Variants in GPC5 observed in about 807,000 individuals in gnomAD.
GPC5 encodes the protein glypican 5, also known as glypican-5.
In GPC5, 47 loss-of-function variants were observed where a neutral mutation model predicts 53.9. That is an observed-to-expected ratio of 0.87 (90% confidence interval 0.69 to 1.11). The LOEUF (loss-of-function observed/expected upper bound fraction) is 1.11, where lower values mean the gene tolerates loss of function less well. Ranked by LOEUF, GPC5 falls within the 50% of genes most tolerant of loss-of-function variation. The probability of loss-of-function intolerance (pLI) is 0.00; values close to 1 mark genes in which losing one functional copy is unlikely to be tolerated. For synonymous variants in GPC5, 286 were observed against 263.3 expected (o/e 1.09, Z -0.84); for missense variants, 748 against 713.1 (o/e 1.05, Z -0.56).
intron 7 of GPC5, among the ~76,000 whole-genome samples, chr13:92,481,361 A>G (rs778021135): frequency 3.3e-5 from 5 of 152,156 alleles, no homozygotes; most frequent in Non-Finnish European, 5.9e-5. Context: ...TTGGCCTCCC[A>G]AAGTGCTGGG....
intron 2 of GPC5, among the ~76,000 whole-genome samples, chr13:91,568,162 C>T (rs1457806446): frequency 6.6e-6 from 1 of 152,096 alleles, no homozygotes; most frequent in Non-Finnish European, 1.5e-5. Context: ...TATAAATTAC[C>T]CAGCCTCAGA....
intron 6 of GPC5, among the ~76,000 whole-genome samples, chr13:92,089,996 G>A (rs764202610): frequency 1.4e-4 from 21 of 152,104 alleles, no homozygotes; most frequent in African/African-American, 2.7e-4. Context: ...CATTGAGTTC[G>A]TATCATGTCC....
intron 7 of GPC5, among the ~76,000 whole-genome samples, chr13:92,752,170 G>C (rs1889421040): frequency 6.6e-6 from 1 of 151,906 alleles, no homozygotes; most frequent in Non-Finnish European, 1.5e-5. Flanking sequence ...GTGTGTGTTA[G>C]CATTTGCGTC....
chr13:91,916,609 G>A (rs995829323), intron 6 of GPC5, among the ~76,000 whole-genome samples: 1 of 152,158 alleles, frequency 6.6e-6, no homozygotes, highest in Admixed American at 6.5e-5. Context: ...TATTAGGTTT[G>A]TTCTCAGGCT....
At chr13:91,959,231 G>A (rs2139072398) in intron 6 of GPC5, among the ~76,000 whole-genome samples, 1 of 151,896 alleles carries the variant, frequency 6.6e-6, no homozygotes, top group African/African-American at 2.4e-5. Context: ...CACTTCAGCT[G>A]ATACCACAGA....
chr13:91,882,274 C>A (rs2138951630), intron 5 of GPC5, among the ~76,000 whole-genome samples: 1 of 151,726 alleles, frequency 6.6e-6, no homozygotes, highest in South Asian at 2.1e-4. Context: ...TTAAAATTTT[C>A]AATGGAAGCT....
chr13:92,558,625 T>C (rs1462557648), intron 7 of GPC5, among the ~76,000 whole-genome samples: 1 of 151,982 alleles, frequency 6.6e-6, no homozygotes, highest in East Asian at 1.9e-4. Context: ...ATCGCTGGGG[T>C]AAGCAGGGAA....
intron 6 of GPC5, among the ~76,000 whole-genome samples, chr13:91,964,352 A>T (rs999828461): frequency 6.6e-6 from 1 of 152,186 alleles, no homozygotes; most frequent in African/African-American, 2.4e-5. Context: ...GGTCCCACCC[A>T]CATCCTGCTG....
At chr13:92,294,388 G>A (rs1263339370) in intron 7 of GPC5, among the ~76,000 whole-genome samples, 1 of 152,012 alleles carries the variant, frequency 6.6e-6, no homozygotes, top group Non-Finnish European at 1.5e-5. Flanking sequence ...CTTGTTATTG[G>A]TCTGTTCAGG....
intron 7 of GPC5, among the ~76,000 whole-genome samples, chr13:92,468,141 A>C (rs9561057): frequency 0.39 from 58,979 of 151,902 alleles, 12,760 homozygotes; most frequent in African/African-American, 0.56. Context: ...AGTACAAAAC[A>C]TGGGGGAGAG....
intron 7 of GPC5, among the ~76,000 whole-genome samples, chr13:92,412,795 T>C (rs1477555483): frequency 6.6e-6 from 1 of 152,174 alleles, no homozygotes. Context: ...TACTGAAATA[T>C]CGATGTGTTT....
chr13:92,494,473 C>T (rs574888861), intron 7 of GPC5, among the ~76,000 whole-genome samples: 8 of 152,262 alleles, frequency 5.3e-5, no homozygotes, highest in Admixed American at 3.3e-4. Flanking sequence ...ATAAAACGTG[C>T]TTTGCTATTA....
At chr13:92,152,065 C>T (rs970675041) in intron 7 of GPC5, among the ~76,000 whole-genome samples, 1 of 151,778 alleles carries the variant, frequency 6.6e-6, no homozygotes. Flanking sequence ...TACAGAGGAA[C>T]AGAATTATTT....
chr13:92,027,782 T>C (rs1378966851), intron 6 of GPC5, among the ~76,000 whole-genome samples: 1 of 152,172 alleles, frequency 6.6e-6, no homozygotes, highest in Non-Finnish European at 1.5e-5. Context: ...AAGCAGTGAA[T>C]GGACATCCCT....
At chr13:91,601,997 C>T (rs2033195377) in intron 2 of GPC5, among the ~76,000 whole-genome samples, 1 of 152,146 alleles carries the variant, frequency 6.6e-6, no homozygotes, top group East Asian at 1.9e-4. Context: ...CTTCACTGTC[C>T]AGTCAACAAG....
chr13:91,560,631 T>C (rs765991452), intron 2 of GPC5, among the ~76,000 whole-genome samples: 11 of 152,094 alleles, frequency 7.2e-5, no homozygotes, highest in Non-Finnish European at 1.2e-4. Flanking sequence ...CCCAGATGGG[T>C]CACCTACTTG....
intron 4 of GPC5, among the ~76,000 whole-genome samples, chr13:91,738,266 A>G (rs1826549104): frequency 6.6e-6 from 1 of 151,466 alleles, no homozygotes; most frequent in South Asian, 2.1e-4. Flanking sequence ...CAGTTTCTCA[A>G]AATAACCAGT....
At chr13:91,564,131 C>T (rs1377121809) in intron 2 of GPC5, among the ~76,000 whole-genome samples, 13 of 152,170 alleles carry the variant, frequency 8.5e-5, no homozygotes, top group African/African-American at 2.7e-4. Context: ...CTTGCTAACA[C>T]GAAACATGTG....
chr13:92,352,632 C>T (rs2043488737), intron 7 of GPC5, among the ~76,000 whole-genome samples: 1 of 152,040 alleles, frequency 6.6e-6, no homozygotes, highest in East Asian at 1.9e-4. Context: ...CATGAAGATT[C>T]CAATCAAGAT....
Sources: gnomAD v4.1 joint callset for allele counts (sites outside exome capture counted in the v4.1 genomes callset) on GRCh38, gnomAD v4.1.1 for gene constraint, MANE v1.5 for transcripts, NCBI Gene and HGNC (gene_info 2026-07-23, HGNC 2026-07-21) for gene names.